DCLK2: variants seen among roughly 807,000 people sequenced by gnomAD.
DCLK2 encodes serine/threonine-protein kinase DCLK2.
Under a neutral mutation model 78.4 loss-of-function variants are expected in DCLK2, and 31 were observed. That is an observed-to-expected ratio of 0.40 (90% CI 0.30 to 0.53). The LOEUF is 0.53. DCLK2 is among the 20% of genes least tolerant of loss of function. The pLI is 0.61. For missense variants in DCLK2, 872 were observed against 973.7 expected, an observed-to-expected ratio of 0.90 and a Z score of 1.39; for synonymous variants, 407 against 374.9, an observed-to-expected ratio of 1.09 and a Z score of -0.99.
Position 150,224,533 on chromosome 4 carries a change from T to C in DCLK2, c.1274T>C (p.Ile425Thr). The C allele has an allele frequency of 3.7e-6, 6 of 1,612,846 alleles. No homozygotes were observed. Among genetic ancestry groups the C allele is most frequent in the Non-Finnish European group, 5.1e-6 (6 of 1,179,520 alleles). Residue 425 changes from isoleucine to threonine, a missense_variant, in exon 8 of 16, where the codon ATA (isoleucine) becomes ACA (threonine). Ile to Thr is a moderately conservative substitution (Grantham distance 89). Coordinates refer to ENST00000296550, the MANE Select transcript of DCLK2 (RefSeq NM_001040260.4). ...STGKEFALKIIDKAKCCGKEH... is the reference protein window; with the variant it reads ...STGKEFALKITDKAKCCGKEH... ...GGAAAGGAGTTTGCCCTAAAGATTA[T>C]AGACAAAGCCAAATGTTGTGGAAAG... is the stretch of plus-strand genomic sequence containing the variant.
chr4:150,079,461 G>C lies in DCLK2; in HGVS notation c.421+13G>C. 1 of 1,465,972 alleles carries C rather than the reference G, an allele frequency of 6.8e-7. No homozygotes were observed. Among genetic ancestry groups the C allele is most frequent in the Admixed American group, 2.7e-5 (1 of 37,442 alleles). The allele number at this position is 1,465,972 out of a possible 1,614,324, so 90.8% of individuals were successfully genotyped here. On this transcript the variant is annotated intron_variant, in intron 1 of 15. Coordinates refer to ENST00000296550, the MANE Select transcript of DCLK2 (RefSeq NM_001040260.4). ...GAGCTGCTGGAAGGTAGGAGGGGAG[G>C]GCGCCGCACGGCAGGTGCGGCGGAG...
At chr4:150,193,034 C>T (rs772140737) in intron 2 of DCLK2, 104 bp from the exon 3 acceptor site, 5 of 690,136 alleles carry the variant, frequency 7.2e-6, no homozygotes, top group Non-Finnish European at 1.3e-5. Flanking sequence ...CTTTCTCTTC[C>T]ACTTCAATAC....
intron 12 of DCLK2, among the ~76,000 whole-genome samples, chr4:150,240,926 T>A (rs1388906161): frequency 6.6e-6 from 1 of 152,172 alleles, no homozygotes; most frequent in African/African-American, 2.4e-5. Flanking sequence ...GTTCATTCTT[T>A]CATAAAAATA....
intron 2 of DCLK2, among the ~76,000 whole-genome samples, chr4:150,130,442 C>T (rs544322939): frequency 2.6e-5 from 4 of 152,034 alleles, no homozygotes; most frequent in South Asian, 2.1e-4. Context: ...CAGCCACACC[C>T]GTACCCACAC....
intron 2 of DCLK2, among the ~76,000 whole-genome samples, chr4:150,171,733 T>C (rs1050498698): frequency 2.0e-5 from 3 of 152,134 alleles, no homozygotes; most frequent in Non-Finnish European, 4.4e-5. Flanking sequence ...AAACCAAACA[T>C]TGGCTACCGC....
chr4:150,129,278 A>T (rs1733127166), intron 2 of DCLK2, among the ~76,000 whole-genome samples: 1 of 152,168 alleles, frequency 6.6e-6, no homozygotes, highest in Non-Finnish European at 1.5e-5. Context: ...ACAGAAAATA[A>T]ATGGTCCAGT....
intron 2 of DCLK2, among the ~76,000 whole-genome samples, chr4:150,158,981 T>C (rs373806839): frequency 2.0e-5 from 3 of 152,186 alleles, no homozygotes. Flanking sequence ...TTAGAAACCT[T>C]AGGGAGTATG....
rs1010475864 is a variant in DCLK2, at chr4:150,138,086, A to G, written c.756+35274A>G. On this transcript the variant is annotated intron_variant, in intron 2 of 15. Coordinates refer to ENST00000296550, the MANE Select transcript of DCLK2 (RefSeq NM_001040260.4). ...CTGTTCTTCATTTGTAATAATGTCTACCCTTCTGCAGAGGTTAGTTATTAA... is the reference window on the plus strand; with the variant it reads ...CTGTTCTTCATTTGTAATAATGTCTGCCCTTCTGCAGAGGTTAGTTATTAA... Among the ~76,000 whole-genome samples the G allele has an allele frequency of 2.6e-5, 4 of 152,212 alleles. 1 individual carries two copies. The highest frequency in any genetic ancestry group is 4.1e-4 in the South Asian group (2 of 4,834).
At chr4:150,250,340 A>G (rs904565554) in intron 15 of DCLK2, among the ~76,000 whole-genome samples, 2 of 152,282 alleles carry the variant, frequency 1.3e-5, no homozygotes, top group East Asian at 3.9e-4. Context: ...GAAAAGTGAC[A>G]TGAGAGTAAA....
chr4:150,091,680 A>G (rs1345655546), intron 1 of DCLK2, among the ~76,000 whole-genome samples: 1 of 152,080 alleles, frequency 6.6e-6, no homozygotes, highest in African/African-American at 2.4e-5. Context: ...CTTTATAGTA[A>G]CTGATAGAAA....
At chr4:150,235,343 T>A (rs1218914339) in intron 10 of DCLK2, among the ~76,000 whole-genome samples, 1 of 152,220 alleles carries the variant, frequency 6.6e-6, no homozygotes, top group African/African-American at 2.4e-5. Flanking sequence ...TTTTCACTTC[T>A]TCAGGAGAAT....
chr4:150,249,441 C>A, intron 14 of DCLK2, 127 bp from the exon 15 acceptor site: 1 of 732,774 alleles, frequency 1.4e-6, no homozygotes, highest in South Asian at 1.5e-5. Context: ...AATTCTGTGG[C>A]TAAGAGGGGC....
At chr4:150,114,737 G>T (rs992645309) in intron 2 of DCLK2, among the ~76,000 whole-genome samples, 1 of 152,182 alleles carries the variant, frequency 6.6e-6, no homozygotes, top group African/African-American at 2.4e-5. Context: ...GGCTTATAAG[G>T]TTTCTGCTGA....
chr4:150,197,751 G>A (rs1436283889), intron 3 of DCLK2, among the ~76,000 whole-genome samples: 12 of 150,332 alleles, frequency 8.0e-5, no homozygotes, highest in African/African-American at 4.9e-5. Context: ...CCCAGATCGC[G>A]CCATTGCACT....
intron 2 of DCLK2, among the ~76,000 whole-genome samples, chr4:150,153,412 CT>C (rs930368007): frequency 7.3e-4 from 108 of 148,852 alleles, no homozygotes; most frequent in African/African-American, 2.3e-3. Flanking sequence ...ACTTGACAAA[CT>C]TTTTTTTTTG....
chr4:150,222,092 A>C (rs891970243), intron 7 of DCLK2, among the ~76,000 whole-genome samples: 6 of 152,056 alleles, frequency 3.9e-5, no homozygotes, highest in African/African-American at 1.4e-4. Context: ...GCAGGGTGCC[A>C]GTGATTCTCC....
intron 2 of DCLK2, among the ~76,000 whole-genome samples, chr4:150,114,474 A>G (rs1310408512): frequency 6.6e-6 from 1 of 151,990 alleles, no homozygotes; most frequent in Non-Finnish European, 1.5e-5. Flanking sequence ...ACTTTTCTTC[A>G]TCGTGGTATT....
intron 1 of DCLK2, among the ~76,000 whole-genome samples, chr4:150,101,884 G>C (rs1216039573): frequency 6.6e-6 from 1 of 152,094 alleles, no homozygotes; most frequent in Admixed American, 6.5e-5. Flanking sequence ...AGTAGCTGAG[G>C]TATATTTCTT....
chr4:150,169,370 G>A (rs563269248), intron 2 of DCLK2, among the ~76,000 whole-genome samples: 1 of 152,274 alleles, frequency 6.6e-6, no homozygotes, highest in South Asian at 2.1e-4. Flanking sequence ...CAAGAAGTGG[G>A]TTCAGAGGCC....
Sources: gnomAD v4.1 joint callset for allele counts (sites outside exome capture counted in the v4.1 genomes callset) on GRCh38, gnomAD v4.1.1 for gene constraint, MANE v1.5 for transcripts, NCBI Gene and HGNC (gene_info 2026-07-23, HGNC 2026-07-21) for gene names.